Variants in OR1F1 observed in about 807,000 individuals in gnomAD.
OR1F1 encodes the protein olfactory receptor family 1 subfamily F member 1, also known as olfactory receptor 1F1.
For synonymous variants in OR1F1, 184 were observed against 156.7 expected (o/e 1.17, Z -1.30); for missense variants, 493 against 376.3 (o/e 1.31, Z -2.57).
At chr16:3,195,387 T>C in the OR1F1 span, among the ~76,000 whole-genome samples, 1 of 151,286 alleles carries the variant, frequency 6.6e-6, no homozygotes, top group African/African-American at 2.4e-5. Context: ...TAGCTTCAAA[T>C]GCGGGCGTCC....
chr16:3,202,630 C>T (rs2141590843), upstream of OR1F1, among the ~76,000 whole-genome samples: 1 of 149,590 alleles, frequency 6.7e-6, no homozygotes, highest in Admixed American at 6.7e-5. Context: ...TAGTACCTTG[C>T]CTGGGCAACA....
At chr16:3,202,684 TAA>T (rs1958148182), upstream of OR1F1, among the ~76,000 whole-genome samples, 1 of 147,664 alleles carries the variant, frequency 6.8e-6, no homozygotes, top group African/African-American at 2.5e-5. Flanking sequence ...ATAATAATAA[TAA>T]TAATAATAAT....
exon 1 of OR1F1, chr16:3,204,524 C>G: frequency 6.2e-7 from 1 of 1,614,198 alleles, no homozygotes; most frequent in Non-Finnish European, 8.5e-7. Context: ...CAGACCATCT[C>G]CTTCTGTGGC....
chr16:3,198,647 C>G, the OR1F1 span, among the ~76,000 whole-genome samples: 1 of 152,172 alleles, frequency 6.6e-6, no homozygotes, highest in Non-Finnish European at 1.5e-5. Context: ...TGGCGAGGTC[C>G]TGCCTGGTAG....
upstream of OR1F1, among the ~76,000 whole-genome samples, chr16:3,202,165 T>C (rs564688816): frequency 6.6e-6 from 1 of 152,230 alleles, no homozygotes; most frequent in East Asian, 1.9e-4. Context: ...TAAATAAACA[T>C]TGGTAGAGGG....
upstream of OR1F1, among the ~76,000 whole-genome samples, chr16:3,203,720 C>T (rs1411777294): frequency 3.9e-5 from 6 of 152,258 alleles, no homozygotes; most frequent in East Asian, 3.9e-4. Flanking sequence ...GCCAAGATCT[C>T]GCCACTGCAC....
upstream of OR1F1, among the ~76,000 whole-genome samples, chr16:3,200,606 CAAACAAACAAAAAACGAAT>C (rs1958125647): frequency 6.6e-6 from 1 of 152,150 alleles, no homozygotes; most frequent in South Asian, 2.1e-4. Flanking sequence ...TCAAAACAAA[CAAACAAACAAAAAACGAAT>C]AAACAAACAA....
the OR1F1 span, chr16:3,188,485 C>G: frequency 6.6e-6 from 1 of 152,282 alleles, no homozygotes; most frequent in South Asian, 2.1e-4. Flanking sequence ...CCCAGGTGAG[C>G]CCTCCTCCGC....
the OR1F1 span, among the ~76,000 whole-genome samples, chr16:3,195,368 A>G: frequency 1.3e-5 from 2 of 152,240 alleles, no homozygotes; most frequent in Non-Finnish European, 2.9e-5. Flanking sequence ...TGCGGGTTAA[A>G]CGACGCACTA....
the OR1F1 span, among the ~76,000 whole-genome samples, chr16:3,192,934 T>A: frequency 1.3e-5 from 2 of 152,172 alleles, no homozygotes; most frequent in Non-Finnish European, 2.9e-5. Context: ...AAAGAGTTTT[T>A]AAAAATTTTT....
At chr16:3,192,050 C>T in the OR1F1 span, among the ~76,000 whole-genome samples, 3 of 152,080 alleles carry the variant, frequency 2.0e-5, no homozygotes, top group South Asian at 2.1e-4. Flanking sequence ...GTTCAAATCC[C>T]GGACGAGCCC....
At chr16:3,189,842 A>G in the OR1F1 span, 1 of 152,094 alleles carries the variant, frequency 6.6e-6, no homozygotes, top group Non-Finnish European at 1.5e-5. Flanking sequence ...GCCGCCTACT[A>G]TCCCACTACC....
the OR1F1 span, among the ~76,000 whole-genome samples, chr16:3,191,834 C>A: frequency 3.3e-5 from 5 of 152,086 alleles, no homozygotes; most frequent in Non-Finnish European, 7.4e-5. Context: ...AGGGGCCTCT[C>A]CCCACTTTGT....
chr16:3,189,295 G>T, the OR1F1 span, among the ~76,000 whole-genome samples: 1 of 152,128 alleles, frequency 6.6e-6, no homozygotes, highest in African/African-American at 2.4e-5. Context: ...CAGCGCAGCC[G>T]CTGCCTGCTA....
the OR1F1 span, among the ~76,000 whole-genome samples, chr16:3,195,016 G>T: frequency 1.3e-5 from 2 of 152,240 alleles, no homozygotes; most frequent in Admixed American, 1.3e-4. Flanking sequence ...GTGCTGTCCA[G>T]ATTGGCGTGT....
upstream of OR1F1, among the ~76,000 whole-genome samples, chr16:3,202,144 A>C (rs992735138): frequency 6.6e-6 from 1 of 152,154 alleles, no homozygotes; most frequent in African/African-American, 2.4e-5. Context: ...GCATCAGTAC[A>C]ATGTTATTAA....
At chr16:3,203,128 G>A (rs1958155375), upstream of OR1F1, among the ~76,000 whole-genome samples, 1 of 152,178 alleles carries the variant, frequency 6.6e-6, no homozygotes, top group Non-Finnish European at 1.5e-5. Flanking sequence ...GCTGAGGCAG[G>A]AATTATGTAT....
At chr16:3,199,080 A>G in the OR1F1 span, among the ~76,000 whole-genome samples, 3 of 139,278 alleles carry the variant, frequency 2.2e-5, no homozygotes, top group Admixed American at 2.3e-4. Flanking sequence ...GGTGTTCCAG[A>G]CCAGCCTGGG....
chr16:3,194,124 A>G, the OR1F1 span, among the ~76,000 whole-genome samples: 5 of 152,262 alleles, frequency 3.3e-5, no homozygotes, highest in Admixed American at 6.5e-5. Context: ...AAAACAGGGC[A>G]TTAAACAAGA....
Sources: allele counts gnomAD v4.1 joint callset (sites outside exome capture counted in the v4.1 genomes callset), GRCh38; gene constraint gnomAD v4.1.1; transcripts MANE v1.5; gene names NCBI Gene and HGNC (gene_info 2026-07-23, HGNC 2026-07-21).